Variants in NCKAP5 observed in about 807,000 individuals in gnomAD.
NCKAP5 encodes NCK associated protein 5.
NCKAP5 carries 92 observed loss-of-function variants against 167.0 expected under a neutral mutation model. That is an observed-to-expected ratio of 0.55 (90% confidence interval 0.47 to 0.66). The LOEUF is 0.66. Ranked by LOEUF, NCKAP5 falls within the 30% of genes least tolerant of loss-of-function variation. NCKAP5 has a pLI of 0.00. For synonymous variants in NCKAP5, 891 were observed against 877.4 expected, an observed-to-expected ratio of 1.02 and a Z score of -0.27; for missense variants, 2,378 against 2,315.0, an observed-to-expected ratio of 1.03 and a Z score of -0.56.
At chr2:133,584,133 A>C in the NCKAP5 span, among the ~76,000 whole-genome samples, 1 of 152,366 alleles carries the variant, frequency 6.6e-6, no homozygotes, top group African/African-American at 2.4e-5. Context: ...GAGGAAAATA[A>C]TGTTTTTTAA....
chr2:133,557,420 T>C (rs1290287278), intron 2 of NCKAP5, among the ~76,000 whole-genome samples: 1 of 152,124 alleles, frequency 6.6e-6, no homozygotes, highest in Non-Finnish European at 1.5e-5. Flanking sequence ...TTTATAACCA[T>C]ACTTCAGACT....
At chr2:132,772,179 T>C (rs2104946777) in intron 16 of NCKAP5, among the ~76,000 whole-genome samples, 1 of 152,248 alleles carries the variant, frequency 6.6e-6, no homozygotes, top group Non-Finnish European at 1.5e-5. Flanking sequence ...TCTAGGTTTG[T>C]GTAAGTACAC....
At chr2:133,175,782 G>A (rs1407368071) in intron 5 of NCKAP5, among the ~76,000 whole-genome samples, 1 of 152,132 alleles carries the variant, frequency 6.6e-6, no homozygotes, top group Non-Finnish European at 1.5e-5. Context: ...GCCTAATTGG[G>A]TTAGGAGCCA....
At chr2:132,816,908 T>C in intron 11 of NCKAP5, among the ~76,000 whole-genome samples, 1 of 152,178 alleles carries the variant, frequency 6.6e-6, no homozygotes, top group Non-Finnish European at 1.5e-5. Flanking sequence ...AGACATGACC[T>C]CTCAAAGATA....
At chr2:133,349,646 T>C (rs1394617645) in intron 3 of NCKAP5, among the ~76,000 whole-genome samples, 1 of 152,248 alleles carries the variant, frequency 6.6e-6, no homozygotes, top group Non-Finnish European at 1.5e-5. Context: ...TTTCTTCCAC[T>C]TTGAAACCAT....
At chr2:132,821,681 A>C (rs1026823720) in intron 11 of NCKAP5, among the ~76,000 whole-genome samples, 9 of 152,118 alleles carry the variant, frequency 5.9e-5, no homozygotes, top group Non-Finnish European at 5.9e-5. Context: ...AGTCTGGGGC[A>C]AAGTGTGAGT....
intron 5 of NCKAP5, among the ~76,000 whole-genome samples, chr2:133,199,925 C>G (rs1372909528): frequency 6.6e-6 from 1 of 151,822 alleles, no homozygotes; most frequent in Admixed American, 6.6e-5. Flanking sequence ...CAACATTATG[C>G]TGTGTGGAAG....
chr2:133,244,954 A>G (rs2087902321), intron 4 of NCKAP5, among the ~76,000 whole-genome samples: 1 of 152,230 alleles, frequency 6.6e-6, no homozygotes, highest in Non-Finnish European at 1.5e-5. Flanking sequence ...AAAGGACTTT[A>G]TTAATTTTAA....
chr2:133,382,652 G>T (rs1314874257), intron 3 of NCKAP5, among the ~76,000 whole-genome samples: 1 of 152,160 alleles, frequency 6.6e-6, no homozygotes, highest in Admixed American at 6.5e-5. Context: ...CCTCCAAGAA[G>T]CCTTTTCAGG....
the NCKAP5 span, among the ~76,000 whole-genome samples, chr2:133,607,272 T>C: frequency 1.3e-5 from 2 of 152,164 alleles, no homozygotes; most frequent in Non-Finnish European, 2.9e-5. Flanking sequence ...TACACCATGC[T>C]CTAGATAGTG....
chr2:133,604,745 G>C, the NCKAP5 span, among the ~76,000 whole-genome samples: 1 of 152,190 alleles, frequency 6.6e-6, no homozygotes, highest in Non-Finnish European at 1.5e-5. Flanking sequence ...ACACAGGGCT[G>C]ATGTGGGCAT....
intron 3 of NCKAP5, among the ~76,000 whole-genome samples, chr2:133,340,468 T>C (rs1311447674): frequency 6.6e-6 from 1 of 152,174 alleles, no homozygotes; most frequent in Non-Finnish European, 1.5e-5. Context: ...CCACAAATAT[T>C]TATTAAGACT....
intron 8 of NCKAP5, chr2:132,930,195 T>C (rs1311146544): frequency 6.6e-6 from 1 of 152,170 alleles, no homozygotes; most frequent in Non-Finnish European, 1.5e-5. Context: ...CAGTACATGG[T>C]TGTCTGCAGT....
chr2:133,073,378 C>A, intron 6 of NCKAP5, among the ~76,000 whole-genome samples: 1 of 152,134 alleles, frequency 6.6e-6, no homozygotes, highest in South Asian at 2.1e-4. Flanking sequence ...CCTTGGCTAA[C>A]CCCTAAGGTA....
intron 19 of NCKAP5, among the ~76,000 whole-genome samples, chr2:132,719,580 A>G (rs1451915879): frequency 5.3e-5 from 8 of 152,222 alleles, no homozygotes; most frequent in Non-Finnish European, 8.8e-5. Context: ...CTTCGGTGGC[A>G]GTGAGGATGA....
chr2:133,054,409 G>C (rs1010362013), intron 6 of NCKAP5, among the ~76,000 whole-genome samples: 1 of 152,222 alleles, frequency 6.6e-6, no homozygotes, highest in African/African-American at 2.4e-5. Context: ...TGGCTGAGGT[G>C]TTAGAGAAGC....
chr2:132,915,009 C>T (rs1241303087), intron 8 of NCKAP5, among the ~76,000 whole-genome samples: 1 of 148,312 alleles, frequency 6.7e-6, no homozygotes, highest in Non-Finnish European at 1.5e-5. Context: ...AAAAAAAATG[C>T]CTATTGCATA....
chr2:133,099,937 G>T (rs192224837), intron 6 of NCKAP5, among the ~76,000 whole-genome samples: 1 of 152,324 alleles, frequency 6.6e-6, no homozygotes, highest in Admixed American at 6.5e-5. Flanking sequence ...CAGAATGTCT[G>T]TGACAATGAT....
At chr2:132,848,523 G>A (rs571274023) in intron 11 of NCKAP5, among the ~76,000 whole-genome samples, 9 of 152,276 alleles carry the variant, frequency 5.9e-5, no homozygotes, top group South Asian at 2.1e-4. Context: ...TCTCATGTCC[G>A]AAAGTGTATA....
Sources: allele counts gnomAD v4.1 joint callset (sites outside exome capture counted in the v4.1 genomes callset), GRCh38; gene constraint gnomAD v4.1.1; transcripts MANE v1.5; gene names NCBI Gene and HGNC (gene_info 2026-07-23, HGNC 2026-07-21).